Variants in LRRFIP1 observed in about 807,000 individuals in gnomAD.
LRRFIP1 encodes the protein leucine-rich repeat flightless-interacting protein 1.
A neutral mutation model predicts 104.4 loss-of-function variants in LRRFIP1; 62 were observed. That is an observed-to-expected ratio of 0.59 (90% CI 0.48 to 0.73). The LOEUF is 0.73. Ranked by LOEUF, LRRFIP1 falls within the 30% of genes least tolerant of loss-of-function variation. The pLI is 0.00. For synonymous variants in LRRFIP1, 300 were observed against 299.0 expected (o/e 1.00, Z -0.03); for missense variants, 796 against 824.5 (o/e 0.97, Z 0.42).
chr2:237,752,209 C>T (rs892265352), intron 14 of LRRFIP1, among the ~76,000 whole-genome samples: 3 of 152,158 alleles, frequency 2.0e-5, no homozygotes, highest in African/African-American at 7.2e-5. Context: ...AGTTTGAGAC[C>T]AGCCTGGCCA....
At position 237,717,643 on chromosome 2, in the gene LRRFIP1, T is replaced by C. The variant is rs1034303196; in HGVS notation, c.202-119T>C. 4.8e-6 allele frequency: 4 copies of C among 829,920 alleles called. No homozygotes were observed. The highest frequency in any genetic ancestry group is 8.5e-6 in the Non-Finnish European group (4 of 468,444). The allele number at this position is 829,920 out of a possible 1,614,324, so 51.4% of individuals were successfully genotyped here. On this transcript the variant is annotated intron_variant, in intron 3 of 23. Transcript: ENST00000308482. This position sits in a 1 kb window ranked among gnomAD's most constrained non-coding sequence, Gnocchi z 4.2. ...GTGCCGACTGCTTTGCCTTGGCGTGTTACCTTCACCACACGGCTGGATGGC... is the reference window on the plus strand; with the variant it reads ...GTGCCGACTGCTTTGCCTTGGCGTGCTACCTTCACCACACGGCTGGATGGC...
At chr2:237,750,551 G>T (rs2058493659) in intron 13 of LRRFIP1, among the ~76,000 whole-genome samples, 1 of 151,922 alleles carries the variant, frequency 6.6e-6, no homozygotes, top group Non-Finnish European at 1.5e-5. Context: ...TGGCCAGGCT[G>T]GTCTTGAACT....
At chr2:237,700,435 T>C (rs2093452188) in intron 1 of LRRFIP1, among the ~76,000 whole-genome samples, 1 of 152,176 alleles carries the variant, frequency 6.6e-6, no homozygotes, top group Non-Finnish European at 1.5e-5. Flanking sequence ...CCTTAACACT[T>C]TTCCAAAAAG....
At position 237,765,718 on chromosome 2, in the gene LRRFIP1, A is replaced by G. The variant is rs544607729; in HGVS notation, c.1460-4225A>G. On this transcript the variant is annotated intron_variant, in intron 19 of 23. Coordinates refer to ENST00000308482, the MANE Select transcript of LRRFIP1 (RefSeq NM_001137550.2). Reference sequence around the variant, plus strand: ...TAAAAAAATTTTTTAAAATAATTGTAAAGTTAGATTTAAAATTGTAAAATA... The same window carrying G: ...TAAAAAAATTTTTTAAAATAATTGTGAAGTTAGATTTAAAATTGTAAAATA... 23 of 935,276 alleles carry G rather than the reference A, an allele frequency of 2.5e-5. No individual in the cohort carries two copies. The Admixed American group carries it at 6.8e-4, about 28-fold the overall frequency. The allele number at this position is 935,276 out of a possible 1,614,324, so 57.9% of individuals were successfully genotyped here. A position where few individuals can be genotyped will look rare whatever the true frequency, so the allele number is the denominator to read the frequency against.
intron 1 of LRRFIP1, among the ~76,000 whole-genome samples, chr2:237,673,329 G>C (rs543691902): frequency 6.6e-6 from 1 of 152,208 alleles, no homozygotes; most frequent in Admixed American, 6.5e-5. Flanking sequence ...CCAGGGCCTC[G>C]CCAGGAAGCC....
In LRRFIP1 at chr2:237,735,328, C is replaced by A; in HGVS notation, c.550C>A (p.Arg184Ser). 1 of 1,613,084 alleles carries A rather than the reference C, an allele frequency of 6.2e-7. No individual in the cohort carries two copies. The highest frequency in any genetic ancestry group is 8.5e-7 in the Non-Finnish European group (1 of 1,179,808). Residue 184 changes from arginine to serine, a missense_variant, in exon 10 of 24, where the codon CGT becomes AGT. Transcript: ENST00000308482. This position sits in a 1 kb window ranked among gnomAD's most constrained non-coding sequence, Gnocchi z 4.6. Reference sequence around the variant, plus strand: ...CCGACGGGGCAGCACCTCCGGCTCCCGTGCTGTAAGGCGCTTTCGGTGATA... The same window carrying A: ...CCGACGGGGCAGCACCTCCGGCTCCAGTGCTGTAAGGCGCTTTCGGTGATA... ...GTRRGSTSGS[R>S]APSEYSGHLN... is the part of the protein sequence containing the mutation.
At chr2:237,713,331 A>C (rs967318497) in intron 2 of LRRFIP1, among the ~76,000 whole-genome samples, 6 of 152,176 alleles carry the variant, frequency 3.9e-5, no homozygotes, top group Non-Finnish European at 8.8e-5. Context: ...GTTTAAAAGG[A>C]TATGAGCTCT....
intron 11 of LRRFIP1, among the ~76,000 whole-genome samples, chr2:237,745,126 G>A (rs1255421874): frequency 6.6e-6 from 1 of 152,230 alleles, no homozygotes; most frequent in African/African-American, 2.4e-5. Context: ...AAGGGGGCTT[G>A]GTTAAGGTGG....
chr2:237,751,380 T>C (rs2058610421), intron 14 of LRRFIP1, 109 bp downstream of exon 14: 3 of 842,566 alleles, frequency 3.6e-6, no homozygotes, highest in East Asian at 5.3e-5. Flanking sequence ...GTAAATAGGC[T>C]CCAGGGTGTA....
chr2:237,687,260 T>G (rs1412871140), intron 1 of LRRFIP1, among the ~76,000 whole-genome samples: 2 of 152,212 alleles, frequency 1.3e-5, no homozygotes, highest in African/African-American at 4.8e-5. Context: ...TTTCAAGTGA[T>G]CATTTCATGA....
chr2:237,690,747 A>AAAG (rs1553638757), intron 1 of LRRFIP1, among the ~76,000 whole-genome samples: 8 of 151,814 alleles, frequency 5.3e-5, no homozygotes, highest in South Asian at 2.1e-4. Context: ...AAAAAAAAAA[A>AAAG]AAAGAAAGAA....
In LRRFIP1 at chr2:237,721,110, A is replaced by C. The variant is rs1286663807; in HGVS notation, c.345+288A>C. The stretch of plus-strand genomic sequence containing the variant: ...AAAGCTCCCAAGCCTTGATTAGCAC[A>C]GTTGTCTCAGCACATTGGTGTTCCA... On this transcript the variant is annotated intron_variant, in intron 6 of 23. Coordinates refer to ENST00000308482, the MANE Select transcript of LRRFIP1 (RefSeq NM_001137550.2). 3 of 352,752 alleles carry C rather than the reference A, an allele frequency of 8.5e-6. No homozygotes were observed. In the East Asian group the frequency reaches 1.5e-4, roughly 17 times the overall value. 21.9% of individuals were successfully genotyped at this position (352,752 alleles called of 1,614,324 possible). A position where few individuals can be genotyped will look rare whatever the true frequency, so the allele number is the denominator to read the frequency against.
intron 1 of LRRFIP1, among the ~76,000 whole-genome samples, chr2:237,707,302 G>A (rs566904170): frequency 6.6e-6 from 1 of 150,832 alleles, no homozygotes; most frequent in African/African-American, 2.4e-5. Flanking sequence ...TTGTGGTGGT[G>A]CAAACCTGTA....
chr2:237,713,540 T>C (rs1228302420), intron 2 of LRRFIP1, among the ~76,000 whole-genome samples: 1 of 152,136 alleles, frequency 6.6e-6, no homozygotes, highest in African/African-American at 2.4e-5. Flanking sequence ...TCACATGTGT[T>C]CCCCCATATA....
chr2:237,693,530 ACT>A (rs1186330288), intron 1 of LRRFIP1, among the ~76,000 whole-genome samples: 5 of 151,686 alleles, frequency 3.3e-5, no homozygotes, highest in African/African-American at 9.7e-5. Context: ...TTCGTTTAAA[ACT>A]CTGGCAGTGG....
At chr2:237,719,456 C>A in intron 4 of LRRFIP1, 67 bp from the exon 5 acceptor site, 2 of 1,184,142 alleles carry the variant, frequency 1.7e-6, no homozygotes, top group Non-Finnish European at 2.5e-6. Flanking sequence ...ACTACCTAAG[C>A]TTTTTTAAAG....
chr2:237,675,829 G>T (rs2091081011), intron 1 of LRRFIP1, among the ~76,000 whole-genome samples: 1 of 152,172 alleles, frequency 6.6e-6, no homozygotes, highest in South Asian at 2.1e-4. Context: ...AGATATAATT[G>T]TCATAATCTT....
Position 237,735,357 on chromosome 2 carries a change from C to T in LRRFIP1, c.555+24C>T, listed in dbSNP as rs1411285658. 1 of 1,608,678 alleles carries T rather than the reference C, an allele frequency of 6.2e-7. No homozygotes were observed. Among genetic ancestry groups the T allele is most frequent in the African/African-American group, 1.3e-5 (1 of 74,876 alleles). On this transcript the variant is annotated intron_variant, in intron 10 of 23. Coordinates refer to ENST00000308482, the MANE Select transcript of LRRFIP1 (RefSeq NM_001137550.2). The surrounding 1 kb of genome is among the most constrained non-coding windows in gnomAD (Gnocchi z 4.6). ...CTGTAAGGCGCTTTCGGTGATACCT[C>T]CTTTCCCCCGTGCCTGCTGCATGGC...
chr2:237,724,923 T>C (rs114499967), intron 7 of LRRFIP1, among the ~76,000 whole-genome samples: 4,938 of 152,304 alleles, frequency 0.032, 260 homozygotes, highest in African/African-American at 0.11. Context: ...GCCCTTTACA[T>C]GTGCTCTGTC....
Sources: gnomAD v4.1 joint callset for allele counts (sites outside exome capture counted in the v4.1 genomes callset) on GRCh38, gnomAD v4.1.1 for gene constraint, Gnocchi (gnomAD v3.1) non-coding constraint, MANE v1.5 for transcripts, NCBI Gene and HGNC (gene_info 2026-07-23, HGNC 2026-07-21) for gene names.